PRICKLE1: variants seen among roughly 807,000 people sequenced by gnomAD.
PRICKLE1 encodes prickle-like protein 1.
Under a neutral mutation model 70.2 loss-of-function variants are expected in PRICKLE1, and 14 were observed. That is an observed-to-expected ratio of 0.20 (90% confidence interval 0.13 to 0.31). The LOEUF (loss-of-function observed/expected upper bound fraction) is 0.31. Among genes scored for constraint, PRICKLE1 ranks in the 10% least tolerant of loss-of-function variants. The pLI, the probability that PRICKLE1 is intolerant of heterozygous loss-of-function variation, is 1.00. For missense variants in PRICKLE1, 821 were observed against 1,026.2 expected, an observed-to-expected ratio of 0.80 and a Z score of 2.73; for synonymous variants, 357 against 379.9, an observed-to-expected ratio of 0.94 and a Z score of 0.70.
chr12:42,540,530 T>C (rs2708033), intron 1 of PRICKLE1, among the ~76,000 whole-genome samples: 1 of 152,268 alleles, frequency 6.6e-6, no homozygotes, highest in East Asian at 1.9e-4. Flanking sequence ...ATCTGAAAGA[T>C]ATTTATCATA....
chr12:42,549,890 C>T (rs994202370), intron 1 of PRICKLE1, among the ~76,000 whole-genome samples: 2 of 152,146 alleles, frequency 1.3e-5, no homozygotes, highest in Admixed American at 6.5e-5. Context: ...TTGAGCTTAA[C>T]CTGCTTTGGG....
chr12:42,469,744 A>C, intron 3 of PRICKLE1, 157 bp from the exon 4 acceptor site: 1 of 859,914 alleles, frequency 1.2e-6, no homozygotes, highest in African/African-American at 1.7e-5. Context: ...TCTGAATTTT[A>C]CAGCCTCTCT....
intron 1 of PRICKLE1, among the ~76,000 whole-genome samples, chr12:42,519,640 T>C (rs938086475): frequency 5.9e-5 from 9 of 152,244 alleles, no homozygotes; most frequent in Non-Finnish European, 1.5e-5. Flanking sequence ...AAATGGCCTA[T>C]TCTTTTGGTT....
chr12:42,559,120 A>G (rs569982185), intron 1 of PRICKLE1, among the ~76,000 whole-genome samples: 1 of 152,348 alleles, frequency 6.6e-6, no homozygotes, highest in African/African-American at 2.4e-5. Flanking sequence ...GTGAAGGGCT[A>G]GACATGCATC....
chr12:42,485,267 T>G (rs1457858740), intron 1 of PRICKLE1: 6 of 86,840 alleles, frequency 6.9e-5, no homozygotes, highest in African/African-American at 2.5e-4. Context: ...TTTTTTTTTT[T>G]TTGTTACTCT....
intron 1 of PRICKLE1, among the ~76,000 whole-genome samples, chr12:42,477,464 ATG>A (rs1242662444): frequency 2.0e-4 from 22 of 107,740 alleles, no homozygotes; most frequent in South Asian, 3.6e-4. Context: ...ATACGTATAT[ATG>A]TGTGTGTGTG....
At chr12:42,470,644 G>A (rs1404330551) in intron 2 of PRICKLE1, among the ~76,000 whole-genome samples, 3 of 151,266 alleles carry the variant, frequency 2.0e-5, no homozygotes, top group Non-Finnish European at 2.9e-5. Context: ...TGTGGCTCAC[G>A]CCTGTAATCC....
chr12:42,508,235 C>T (rs1460635413), intron 1 of PRICKLE1, among the ~76,000 whole-genome samples: 1 of 152,136 alleles, frequency 6.6e-6, no homozygotes, highest in Non-Finnish European at 1.5e-5. Flanking sequence ...AAAGGATCCT[C>T]CACGCTCATA....
At chr12:42,527,658 G>T (rs1177520469) in intron 1 of PRICKLE1, among the ~76,000 whole-genome samples, 1 of 152,106 alleles carries the variant, frequency 6.6e-6, no homozygotes, top group Non-Finnish European at 1.5e-5. Context: ...CATTCAATTT[G>T]TTAAGCAGGA....
At chr12:42,526,343 G>C (rs1207690832) in intron 1 of PRICKLE1, among the ~76,000 whole-genome samples, 3 of 152,102 alleles carry the variant, frequency 2.0e-5, no homozygotes, top group African/African-American at 7.2e-5. Context: ...CAGAATGGAG[G>C]TATGAATGAG....
At chr12:42,477,478 GTGTGTATATATA>G (rs1938603551) in intron 1 of PRICKLE1, among the ~76,000 whole-genome samples, 1 of 50,046 alleles carries the variant, frequency 2.0e-5, no homozygotes, top group Non-Finnish European at 6.0e-5. Context: ...GTGTGTGTGT[GTGTGTATATATA>G]TATATATATA....
chr12:42,477,482 GTATATATATATATATATATATATATA>G (rs139988285), intron 1 of PRICKLE1, among the ~76,000 whole-genome samples: 4 of 116,384 alleles, frequency 3.4e-5, no homozygotes, highest in African/African-American at 9.4e-5. Flanking sequence ...GTGTGTGTGT[GTATATATATATATATATATATATATA>G]TATATATATA....
chr12:42,483,868 A>C (rs1356516609), intron 1 of PRICKLE1: 1 of 151,170 alleles, frequency 6.6e-6, no homozygotes, highest in African/African-American at 2.4e-5. Context: ...GGTTGGAGTC[A>C]CCTCGTCCAG....
At chr12:42,511,482 T>C (rs956805170) in intron 1 of PRICKLE1, among the ~76,000 whole-genome samples, 14 of 152,136 alleles carry the variant, frequency 9.2e-5, no homozygotes, top group African/African-American at 3.1e-4. Context: ...TAACAGAAAG[T>C]AGTATTTATT....
rs932721017 is a variant in PRICKLE1, at chr12:42,492,880, G to T, written c.-48-20316C>A. Among the ~76,000 whole-genome samples the T allele has an allele frequency of 1.3e-5, 2 of 152,108 alleles. 1 individual carries two copies. Among genetic ancestry groups the T allele is most frequent in the South Asian group, 4.1e-4 (2 of 4,830 alleles). On this transcript the variant is annotated intron_variant, in intron 1 of 7. Transcript: ENST00000345127. ...CAAAGTGCTGAGATACTCTGGCCTGGTACATTAGATACAGCAGATACTTTA... is the reference window on the plus strand; with the variant it reads ...CAAAGTGCTGAGATACTCTGGCCTGTTACATTAGATACAGCAGATACTTTA...
intron 1 of PRICKLE1, among the ~76,000 whole-genome samples, chr12:42,535,020 T>C (rs151309179): frequency 6.1e-4 from 93 of 152,306 alleles, no homozygotes; most frequent in African/African-American, 2.2e-3. Context: ...ACAGTTTTGG[T>C]GGGGCAGAAC....
At chr12:42,588,761 A>C (rs1280991719) in intron 1 of PRICKLE1, among the ~76,000 whole-genome samples, 1 of 152,276 alleles carries the variant, frequency 6.6e-6, no homozygotes, top group Non-Finnish European at 1.5e-5. Context: ...AGAATAACAC[A>C]GCACTGCCAA....
At chr12:42,544,693 C>A (rs1453237161) in intron 1 of PRICKLE1, among the ~76,000 whole-genome samples, 1 of 152,236 alleles carries the variant, frequency 6.6e-6, no homozygotes, top group South Asian at 2.1e-4. Flanking sequence ...TATTTTTTAT[C>A]TTATCAAAGT....
At chr12:42,514,314 C>T (rs1370872482) in intron 1 of PRICKLE1, among the ~76,000 whole-genome samples, 2 of 152,110 alleles carry the variant, frequency 1.3e-5, no homozygotes, top group Admixed American at 6.5e-5. Context: ...TCATACTTTC[C>T]TCTGTGTATG....
Sources: allele counts gnomAD v4.1 joint callset (sites outside exome capture counted in the v4.1 genomes callset), GRCh38; gene constraint gnomAD v4.1.1; transcripts MANE v1.5; gene names NCBI Gene and HGNC (gene_info 2026-07-23, HGNC 2026-07-21).